The following ATXN7L1 variants were observed in gnomAD, a reference collection of about 807,000 sequenced individuals.
The protein encoded by ATXN7L1 is ataxin 7 like 1.
In ATXN7L1, 15 loss-of-function variants were observed where a neutral mutation model predicts 70.8. That is an observed-to-expected ratio of 0.21 (90% confidence interval 0.14 to 0.33). ATXN7L1 has a LOEUF of 0.33. Among genes scored for constraint, ATXN7L1 ranks in the 10% least tolerant of loss-of-function variants. The pLI is 1.00. For missense variants in ATXN7L1, 975 were observed against 1,097.1 expected (o/e 0.89, Z 1.57); for synonymous variants, 440 against 445.1 (o/e 0.99, Z 0.14).
chr7:105,687,192 G>T lies in ATXN7L1; in HGVS notation c.356-21904C>A, dbSNP rs552483284. 5.9e-5 allele frequency among the ~76,000 whole-genome samples: 9 copies of T among 152,154 alleles called. No individual in the cohort carries two copies. In the South Asian group the frequency reaches 1.7e-3, roughly 28 times the overall value. On this transcript the variant is annotated intron_variant, in intron 3 of 11. Coordinates refer to ENST00000419735, the MANE Select transcript of ATXN7L1 (RefSeq NM_020725.2). ...GAGATGGCGCCTGGTTCTATAAACT[G>T]ATGCATGAGGGGAATAAACTCACAG... is the stretch of plus-strand genomic sequence containing the variant.
intron 2 of ATXN7L1, among the ~76,000 whole-genome samples, chr7:105,866,094 TCCCCA>T (rs1217531828): frequency 1.3e-5 from 2 of 152,096 alleles, no homozygotes; most frequent in African/African-American, 4.8e-5. Flanking sequence ...GTGTCCTGTG[TCCCCA>T]CCCCACCCCA....
At chr7:105,811,368 A>G (rs1299293964) in intron 2 of ATXN7L1, among the ~76,000 whole-genome samples, 2 of 152,208 alleles carry the variant, frequency 1.3e-5, no homozygotes, top group African/African-American at 2.4e-5. Context: ...CTTCAGAGAG[A>G]GCGCAGCCCT....
At chr7:105,789,291 C>T (rs1452891610) in intron 2 of ATXN7L1, among the ~76,000 whole-genome samples, 1 of 152,174 alleles carries the variant, frequency 6.6e-6, no homozygotes, top group Non-Finnish European at 1.5e-5. Flanking sequence ...CCTGAATGTG[C>T]CAGGCACTGT....
intron 3 of ATXN7L1, among the ~76,000 whole-genome samples, chr7:105,776,225 G>A (rs894878489): frequency 1.3e-5 from 2 of 152,184 alleles, no homozygotes; most frequent in Admixed American, 6.5e-5. Context: ...CAGGGGTCAC[G>A]TTACAGCGAG....
rs1054364879 is a variant in ATXN7L1 at position 105,652,396 on chromosome 7, G to A, written c.579-9275C>T. ...GCCTGGGAGGGCAGGAATTGAGAAC[G>A]TAGAGATTAGGAGGCAATTTGATTC... On this transcript the variant is annotated intron_variant, in intron 4 of 11. Coordinates refer to ENST00000419735, the MANE Select transcript of ATXN7L1 (RefSeq NM_020725.2). Among the ~76,000 whole-genome samples, 5 of 152,198 alleles carry A rather than the reference G, an allele frequency of 3.3e-5. No individual in the cohort carries two copies. In the South Asian group the frequency reaches 6.2e-4, roughly 19 times the overall value.
At chr7:105,730,662 G>T (rs1242087682) in intron 3 of ATXN7L1, among the ~76,000 whole-genome samples, 1 of 152,006 alleles carries the variant, frequency 6.6e-6, no homozygotes, top group Non-Finnish European at 1.5e-5. Flanking sequence ...AACCTGGATG[G>T]CAGAGGTTGC....
chr7:105,662,962 GA>G (rs1184345996), intron 4 of ATXN7L1, among the ~76,000 whole-genome samples: 1 of 152,174 alleles, frequency 6.6e-6, no homozygotes, highest in Non-Finnish European at 1.5e-5. Context: ...CCATGGAATA[GA>G]GCTATTATTG....
chr7:105,715,311 C>G (rs1794407664), intron 3 of ATXN7L1, among the ~76,000 whole-genome samples: 1 of 152,206 alleles, frequency 6.6e-6, no homozygotes, highest in Admixed American at 6.5e-5. Flanking sequence ...CTATCTTACT[C>G]CCAGAGTTCA....
chr7:105,722,989 T>C (rs938433888), intron 3 of ATXN7L1, among the ~76,000 whole-genome samples: 3 of 152,028 alleles, frequency 2.0e-5, no homozygotes, highest in African/African-American at 7.2e-5. Flanking sequence ...GGAGGGAGGA[T>C]TGCTTGGAGT....
At chr7:105,680,646 G>A (rs992881608) in intron 3 of ATXN7L1, among the ~76,000 whole-genome samples, 14 of 152,162 alleles carry the variant, frequency 9.2e-5, no homozygotes, top group Non-Finnish European at 1.9e-4. Flanking sequence ...GGCTGTGGGC[G>A]TTGTTCCCTG....
At chr7:105,730,190 A>G (rs1796374617) in intron 3 of ATXN7L1, among the ~76,000 whole-genome samples, 2 of 152,174 alleles carry the variant, frequency 1.3e-5, no homozygotes, top group Non-Finnish European at 1.5e-5. Context: ...CAGTCAGGTG[A>G]TCAAGGTCAA....
chr7:105,639,044 T>G (rs1797773981), intron 6 of ATXN7L1, among the ~76,000 whole-genome samples: 1 of 152,060 alleles, frequency 6.6e-6, no homozygotes. Flanking sequence ...GGCGACCCAA[T>G]GGCGGCCGCC....
At chr7:105,662,075 C>T (rs28608754) in intron 4 of ATXN7L1, among the ~76,000 whole-genome samples, 2,587 of 77,020 alleles carry the variant, frequency 0.034, 65 homozygotes, top group South Asian at 0.063. Context: ...TCCTTCCTTC[C>T]TTCCTTCTTT....
intron 8 of ATXN7L1, among the ~76,000 whole-genome samples, chr7:105,620,803 G>A (rs1390481183): frequency 2.0e-5 from 3 of 151,528 alleles, no homozygotes; most frequent in Admixed American, 6.6e-5. Flanking sequence ...GCTGAGGCAG[G>A]GGAATAGCTT....
In ATXN7L1 at chr7:105,638,411, G is replaced by T; in HGVS notation, c.1144C>A (p.Pro382Thr). 1.3e-6 allele frequency: 2 copies of T among 1,552,252 alleles called. No individual in the cohort carries two copies. Among genetic ancestry groups the T allele is most frequent in the Non-Finnish European group, 1.7e-6 (2 of 1,147,106 alleles). Residue 382 changes from proline to threonine, a missense_variant, in exon 7 of 12, where the codon CCA (proline) becomes ACA (threonine). By Grantham distance (38) the Pro-to-Thr change is conservative (BLOSUM62 -1). Around this residue, in one of 5 missense-constraint regions of ATXN7L1, gnomAD observed 635 missense variants for 699.4 expected, o/e 0.91. Coordinates refer to ENST00000419735, the MANE Select transcript of ATXN7L1 (RefSeq NM_020725.2). ...SLLGSSGSSG[P>T]EPKVASPAKS... The stretch of plus-strand genomic sequence containing the variant: ...GCAGGGGATGCAACTTTTGGTTCTG[G>T]CCCAGAGCTCCCTGAAGACCCTAGC...
At chr7:105,867,112 C>T (rs1390922735) in intron 2 of ATXN7L1, among the ~76,000 whole-genome samples, 1 of 152,188 alleles carries the variant, frequency 6.6e-6, no homozygotes, top group Non-Finnish European at 1.5e-5. Flanking sequence ...CGGCTGAAAG[C>T]ATCAACATGG....
intron 3 of ATXN7L1, among the ~76,000 whole-genome samples, chr7:105,787,541 C>A (rs938194988): frequency 2.0e-5 from 3 of 151,942 alleles, no homozygotes; most frequent in Non-Finnish European, 4.4e-5. Context: ...TACATATACA[C>A]GTGTTTGCAG....
intron 3 of ATXN7L1, among the ~76,000 whole-genome samples, chr7:105,753,272 G>C (rs1799416007): frequency 6.6e-6 from 1 of 152,196 alleles, no homozygotes; most frequent in Non-Finnish European, 1.5e-5. Flanking sequence ...AGTGGCCACT[G>C]GGGTTTGCAC....
chr7:105,711,684 C>A (rs1584800082), intron 3 of ATXN7L1, among the ~76,000 whole-genome samples: 1 of 152,366 alleles, frequency 6.6e-6, no homozygotes. Flanking sequence ...GCCCTGGTGA[C>A]TCTGCAGGGT....
Sources: gnomAD v4.1 joint callset for allele counts (sites outside exome capture counted in the v4.1 genomes callset) on GRCh38, gnomAD v4.1.1 for gene constraint, gnomAD v4.1.1 regional missense constraint, MANE v1.5 for transcripts, NCBI Gene and HGNC (gene_info 2026-07-23, HGNC 2026-07-21) for gene names.